Variants in RANBP17 observed in about 807,000 individuals in gnomAD.
RANBP17 encodes the protein ran-binding protein 17.
A neutral mutation model predicts 141.2 loss-of-function variants in RANBP17; 158 were observed. The observed-to-expected ratio is 1.12, with a 90% confidence interval of 0.98 to 1.28. RANBP17 has a LOEUF of 1.28. RANBP17 is among the 50% of genes most tolerant of loss of function. The pLI, the probability that RANBP17 is intolerant of heterozygous loss-of-function variation, is 0.00. For synonymous variants in RANBP17, 430 were observed against 450.0 expected, an observed-to-expected ratio of 0.96 and a Z score of 0.56; for missense variants, 1,438 against 1,290.7, an observed-to-expected ratio of 1.11 and a Z score of -1.75.
chr5:171,022,737 G>A (rs1022589841), intron 14 of RANBP17, among the ~76,000 whole-genome samples: 1 of 152,196 alleles, frequency 6.6e-6, no homozygotes, highest in Non-Finnish European at 1.5e-5. Context: ...GTGAGTCCCA[G>A]TGTTGTTTCA....
intron 14 of RANBP17, among the ~76,000 whole-genome samples, chr5:171,135,480 A>G (rs1015307371): frequency 6.6e-6 from 1 of 151,628 alleles, no homozygotes; most frequent in Admixed American, 6.6e-5. Flanking sequence ...CTATGGGAAT[A>G]TTTTCAGTAT....
chr5:171,054,744 G>T (rs1783227760), intron 14 of RANBP17, among the ~76,000 whole-genome samples: 1 of 152,124 alleles, frequency 6.6e-6, no homozygotes, highest in Admixed American at 6.5e-5. Context: ...CCCTATTCAA[G>T]ATGGAATTGC....
chr5:170,936,909 T>C (rs964112989), intron 12 of RANBP17, among the ~76,000 whole-genome samples: 17 of 152,226 alleles, frequency 1.1e-4, no homozygotes, highest in Non-Finnish European at 2.1e-4. Flanking sequence ...TATTGACCTT[T>C]ACTCTTGAAA....
At chr5:171,089,313 C>T (rs12521442) in intron 14 of RANBP17, among the ~76,000 whole-genome samples, 113 of 107,980 alleles carry the variant, frequency 1.0e-3, no homozygotes, top group African/African-American at 2.6e-3. Context: ...GCAGTCTGCC[C>T]GTTCTCAGAT....
At chr5:171,105,320 T>A (rs1754729512) in intron 14 of RANBP17, among the ~76,000 whole-genome samples, 1 of 134,098 alleles carries the variant, frequency 7.5e-6, no homozygotes. Context: ...AGGCGGAGCT[T>A]GCAGTGAGCC....
chr5:171,170,092 A>T, intron 14 of RANBP17, 38 bp from the exon 15 acceptor site: 1 of 1,101,580 alleles, frequency 9.1e-7, no homozygotes, highest in Non-Finnish European at 1.3e-6. Context: ...AATATATGTT[A>T]ATAGTAAAAC....
At chr5:171,236,769 C>T (rs754233918) in intron 22 of RANBP17, among the ~76,000 whole-genome samples, 7 of 152,150 alleles carry the variant, frequency 4.6e-5, no homozygotes, top group Non-Finnish European at 7.3e-5. Flanking sequence ...TTATTATCCT[C>T]ATTTTGTAGA....
chr5:171,057,545 C>A (rs1783481990), intron 14 of RANBP17, among the ~76,000 whole-genome samples: 1 of 151,784 alleles, frequency 6.6e-6, no homozygotes, highest in South Asian at 2.1e-4. Flanking sequence ...GGTATTTTAC[C>A]CCCCAGTCTC....
chr5:170,929,240 AT>A (rs1773154808), intron 12 of RANBP17, among the ~76,000 whole-genome samples: 1 of 151,982 alleles, frequency 6.6e-6, no homozygotes, highest in Non-Finnish European at 1.5e-5. Context: ...TTCTTGCCTT[AT>A]TCTACTGAGG....
intron 14 of RANBP17, among the ~76,000 whole-genome samples, chr5:171,106,261 G>T (rs1203534684): frequency 6.6e-6 from 1 of 152,154 alleles, no homozygotes; most frequent in East Asian, 1.9e-4. Context: ...GGACAGACAG[G>T]AGAGAGGAAT....
chr5:171,059,489 T>C (rs1783657428), intron 14 of RANBP17, among the ~76,000 whole-genome samples: 3 of 151,864 alleles, frequency 2.0e-5, no homozygotes, highest in African/African-American at 4.8e-5. Flanking sequence ...TGCAGCGTTA[T>C]TTCTGAGGGC....
At chr5:171,283,022 G>C (rs535919152) in intron 25 of RANBP17, among the ~76,000 whole-genome samples, 1 of 151,820 alleles carries the variant, frequency 6.6e-6, no homozygotes, top group African/African-American at 2.4e-5. Context: ...CATTCCCCCA[G>C]ACTCCTCTCC....
At chr5:171,289,875 C>G (rs570675310) in intron 25 of RANBP17, among the ~76,000 whole-genome samples, 1 of 151,608 alleles carries the variant, frequency 6.6e-6, no homozygotes, top group East Asian at 2.0e-4. Context: ...ACTAAAAATA[C>G]AAAAATTAGC....
Position 170,933,149 on chromosome 5 carries a change from TG to T in RANBP17, c.1468+8600del, listed in dbSNP as rs1396184878. Among the ~76,000 whole-genome samples the T allele has an allele frequency of 2.6e-5, 4 of 152,182 alleles. No individual in the cohort carries two copies. The East Asian group carries it at 7.7e-4, about 29-fold the overall frequency. On this transcript the variant is annotated intron_variant, in intron 12 of 27. Transcript: ENST00000523189. Reference sequence around the variant, plus strand: ...CCTGGTTTAGTCTTGGGAGGGTGTATGTGTCCAGGAATTTATCCATTTCTTC... The same window carrying T: ...CCTGGTTTAGTCTTGGGAGGGTGTATTGTCCAGGAATTTATCCATTTCTTC...
chr5:170,863,293 G>GGA (rs1032277306), intron 1 of RANBP17, among the ~76,000 whole-genome samples: 8 of 152,168 alleles, frequency 5.3e-5, no homozygotes, highest in Non-Finnish European at 1.2e-4. Context: ...GTGGGTGGCA[G>GGA]GAGATGACCC....
intron 14 of RANBP17, among the ~76,000 whole-genome samples, chr5:171,042,149 G>A (rs1361317650): frequency 6.6e-6 from 1 of 151,844 alleles, no homozygotes; most frequent in Non-Finnish European, 1.5e-5. Context: ...ATCATTGATG[G>A]GCATTAGGGT....
At chr5:170,952,536 A>C (rs1775290752) in intron 12 of RANBP17, among the ~76,000 whole-genome samples, 1 of 152,072 alleles carries the variant, frequency 6.6e-6, no homozygotes, top group Admixed American at 6.5e-5. Flanking sequence ...AATGACTGCT[A>C]GTATCCATGG....
intron 18 of RANBP17, among the ~76,000 whole-genome samples, chr5:171,188,154 G>A (rs1761395106): frequency 6.6e-6 from 1 of 152,178 alleles, no homozygotes; most frequent in African/African-American, 2.4e-5. Flanking sequence ...TCTAAGGAAA[G>A]ATTAAAAGAA....
At chr5:171,253,907 A>G (rs1282481778) in intron 24 of RANBP17, among the ~76,000 whole-genome samples, 1 of 152,178 alleles carries the variant, frequency 6.6e-6, no homozygotes, top group East Asian at 1.9e-4. Context: ...TGGTTTCTAA[A>G]TCAGTTATTT....
Sources: allele counts gnomAD v4.1 joint callset (sites outside exome capture counted in the v4.1 genomes callset), GRCh38; gene constraint gnomAD v4.1.1; transcripts MANE v1.5; gene names NCBI Gene and HGNC (gene_info 2026-07-23, HGNC 2026-07-21).